FGF13: variants seen among roughly 807,000 people sequenced by gnomAD.
FGF13 encodes the protein fibroblast growth factor 13.
FGF13 carries 2 observed loss-of-function variants against 19.5 expected under a neutral mutation model. The observed-to-expected ratio is 0.10, with a 90% confidence interval of 0.04 to 0.32. FGF13 has a LOEUF of 0.32. Among genes scored for constraint, FGF13 ranks in the 10% least tolerant of loss-of-function variants. FGF13 has a pLI of 1.00. For missense variants in FGF13, 113 were observed against 192.7 expected, an observed-to-expected ratio of 0.59 and a Z score of 2.45; for synonymous variants, 72 against 76.9, an observed-to-expected ratio of 0.94 and a Z score of 0.33.
chrX:138,984,623 A>AGAGGAGGAG (rs200099451), intron 1 of FGF13, among the ~76,000 whole-genome samples: 3 of 23,806 alleles, frequency 1.3e-4, no homozygotes, highest in East Asian at 1.3e-3. Flanking sequence ...AGGATGAGGA[A>AGAGGAGGAG]GAGGAGGAGG....
chrX:138,861,260 C>T (rs190105227), intron 2 of FGF13, among the ~76,000 whole-genome samples: 1 of 111,833 alleles, frequency 8.9e-6, no homozygotes, highest in Non-Finnish European at 1.9e-5. Flanking sequence ...GCCTAACGTA[C>T]TCATGTTCAC....
intron 1 of FGF13, among the ~76,000 whole-genome samples, chrX:139,119,893 G>C (rs1400728526): frequency 8.9e-6 from 1 of 112,335 alleles, no homozygotes; most frequent in Non-Finnish European, 1.9e-5. Context: ...ACTTGACAAA[G>C]GTCCCACAAC....
intron 2 of FGF13, among the ~76,000 whole-genome samples, chrX:138,704,781 G>A (rs1446695375): frequency 8.9e-6 from 1 of 112,323 alleles, no homozygotes; most frequent in East Asian, 2.8e-4. Flanking sequence ...TAAAAGCTGT[G>A]CCCTTCTGTT....
At chrX:139,112,855 C>T (rs2083613027) in intron 1 of FGF13, among the ~76,000 whole-genome samples, 1 of 111,876 alleles carries the variant, frequency 8.9e-6, no homozygotes, top group Admixed American at 9.5e-5. Context: ...TTTCCTCTTC[C>T]TTTTCTTTAC....
At chrX:139,112,269 CTG>C (rs1391253020) in intron 1 of FGF13, among the ~76,000 whole-genome samples, 2 of 111,298 alleles carry the variant, frequency 1.8e-5, no homozygotes, top group African/African-American at 6.5e-5. Context: ...CACAGGGCTG[CTG>C]TGAGATGAAA....
intron 1 of FGF13, among the ~76,000 whole-genome samples, chrX:138,911,565 C>A (rs1281418439): frequency 9.0e-6 from 1 of 110,529 alleles, no homozygotes; most frequent in East Asian, 2.9e-4. Context: ...ACTCCCACAA[C>A]ACAAGTTTAC....
At chrX:139,034,990 C>T (rs1025638020) in intron 1 of FGF13, among the ~76,000 whole-genome samples, 4 of 111,570 alleles carry the variant, frequency 3.6e-5, no homozygotes, top group African/African-American at 9.7e-5. Flanking sequence ...TGTATCTAAT[C>T]GTTAGAAAAA....
intron 1 of FGF13, among the ~76,000 whole-genome samples, chrX:139,139,941 G>A (rs1383825784): frequency 9.0e-6 from 1 of 111,186 alleles, no homozygotes; most frequent in African/African-American, 3.3e-5. Context: ...TTCCTTCTAT[G>A]TCTTTAAATA....
At chrX:138,921,483 G>A (rs2124243155) in intron 1 of FGF13, among the ~76,000 whole-genome samples, 1 of 111,742 alleles carries the variant, frequency 8.9e-6, no homozygotes, top group East Asian at 2.8e-4. Flanking sequence ...GATTGAATAG[G>A]TATTATAAGA....
At chrX:138,728,812 G>A (rs1466370889) in intron 1 of FGF13, among the ~76,000 whole-genome samples, 2 of 110,969 alleles carry the variant, frequency 1.8e-5, no homozygotes, top group Non-Finnish European at 3.8e-5. Flanking sequence ...ACACCCTCCT[G>A]CCTGTGTTAT....
At position 138,939,488 on chromosome X, in the gene FGF13, G is replaced by T. The variant is rs1366957870; in HGVS notation, c.-112-74838C>A. Among the ~76,000 whole-genome samples the T allele has an allele frequency of 2.7e-5, 3 of 111,397 alleles. No individual in the cohort carries two copies. The East Asian group carries it at 8.5e-4, about 32-fold the overall frequency. On this transcript the variant is annotated intron_variant, in intron 1 of 2. Coordinates refer to the FGF13 transcript ENST00000421460. ...ATTATACAGGTAAACTGTGTGTCGG[G>T]AGGGTTTGGTGTACAAATTATTTAG...
At chrX:139,096,314 A>T (rs112534773) in intron 1 of FGF13, among the ~76,000 whole-genome samples, 27 of 112,065 alleles carry the variant, frequency 2.4e-4, no homozygotes, top group African/African-American at 8.4e-4. Context: ...GAATTCATGG[A>T]TCAGGTAGAA....
intron 1 of FGF13, among the ~76,000 whole-genome samples, chrX:138,929,265 G>C (rs867758187): frequency 5.9e-4 from 64 of 108,131 alleles, no homozygotes; most frequent in Middle Eastern, 4.8e-3. Context: ...GTGTGTGTGT[G>C]TCTCTCTGTG....
intron 1 of FGF13, among the ~76,000 whole-genome samples, chrX:138,881,216 T>C (rs1237351399): frequency 8.9e-6 from 1 of 111,825 alleles, no homozygotes; most frequent in Admixed American, 9.5e-5. Flanking sequence ...CTTAATTTCC[T>C]TTTCGGATTT....
rs892249431 is a variant in FGF13, at chrX:138,667,306, G to A, written c.403-31651C>T. Among the ~76,000 whole-genome samples, 7 of 108,706 alleles carry A rather than the reference G, an allele frequency of 6.4e-5. No homozygotes were observed. In the Admixed American group the frequency reaches 7.0e-4, roughly 11 times the overall value. 94.4% of individuals were successfully genotyped at this position (108,706 alleles called of 115,157 possible). A position where few individuals can be genotyped will look rare whatever the true frequency, so the allele number is the denominator to read the frequency against. ...AGAGAGAAAGAAAGACAAAGACAGA[G>A]AGAGAGAGATATACACGAATTCCAG... On this transcript the variant is annotated intron_variant, in intron 3 of 4. Coordinates refer to ENST00000315930, the MANE Select transcript of FGF13 (RefSeq NM_004114.5).
chrX:138,807,071 G>T (rs1221456926), intron 3 of FGF13: 1 of 111,213 alleles, frequency 9.0e-6, no homozygotes, highest in African/African-American at 3.3e-5. Flanking sequence ...TAGTCCCAAG[G>T]AAAAGAATGT....
intron 1 of FGF13, among the ~76,000 whole-genome samples, chrX:139,076,803 T>C (rs889145672): frequency 8.9e-6 from 1 of 112,081 alleles, no homozygotes; most frequent in Non-Finnish European, 1.9e-5. Flanking sequence ...GATTCTCTGA[T>C]CTTTTGGTAG....
chrX:138,803,158 T>A, intron 3 of FGF13, among the ~76,000 whole-genome samples: 1 of 112,022 alleles, frequency 8.9e-6, no homozygotes, highest in Non-Finnish European at 1.9e-5. Context: ...TTATAGTGTA[T>A]CTATCTCTTA....
chrX:139,198,897 C>A (rs780205461), intron 1 of FGF13, among the ~76,000 whole-genome samples: 46 of 112,160 alleles, frequency 4.1e-4, no homozygotes, highest in African/African-American at 1.4e-3. Context: ...AACCCACACT[C>A]TTAGGAAATG....
Sources: allele counts gnomAD v4.1 joint callset (sites outside exome capture counted in the v4.1 genomes callset), GRCh38; gene constraint gnomAD v4.1.1; transcripts MANE v1.5; gene names NCBI Gene and HGNC (gene_info 2026-07-23, HGNC 2026-07-21).